The following CUEDC1 variants were observed in gnomAD, a reference collection of about 807,000 sequenced individuals.
CUEDC1 encodes CUE domain-containing protein 1.
Under a neutral mutation model 43.7 loss-of-function variants are expected in CUEDC1, and 30 were observed. The ratio of observed to expected loss-of-function variants is 0.69; its 90% CI spans 0.51 to 0.93. The LOEUF (loss-of-function observed/expected upper bound fraction) is 0.93. Ranked by LOEUF, CUEDC1 falls within the 40% of genes least tolerant of loss-of-function variation. The probability of loss-of-function intolerance (pLI) is 0.00; values close to 1 mark genes in which losing one functional copy is unlikely to be tolerated. For synonymous variants in CUEDC1, 223 were observed against 223.6 expected (o/e 1.00, Z 0.02); for missense variants, 486 against 549.0 (o/e 0.89, Z 1.15).
In CUEDC1 at chr17:57,866,477, T is replaced by C. The variant is rs971451575; in HGVS notation, c.1161A>G (p.Ter387=). The C allele has an allele frequency of 6.2e-6, 10 of 1,613,978 alleles. No homozygotes were observed. The East Asian group carries it at 6.7e-5, about 11-fold the overall frequency. ...KVEEGLREGQ[*] ...TTGCTATGGCTCCAGGCCTTACCTC[T>C]TACTGTCCTTCTCGCAGGCCTTCCT... Residue 387 remains the stop codon, a stop_retained_variant, in exon 10 of 11, where the codon TAA becomes TAG. Coordinates refer to ENST00000577830, the MANE Select transcript of CUEDC1 (RefSeq NM_001271875.2).
Position 57,873,673 on chromosome 17 carries a change from T to C in CUEDC1, c.509A>G (p.Tyr170Cys), listed in dbSNP as rs1279232171. Reference sequence around the variant, plus strand: ...CAGCAGTGGTGGGTTCCAGTTCCGATAGCGTCTCTGGCTTGTAGGGGCTCC... The same window carrying C: ...CAGCAGTGGTGGGTTCCAGTTCCGACAGCGTCTCTGGCTTGTAGGGGCTCC... The part of the protein sequence containing the change: ...GSGAPTSQRR[Y>C]RNWNPPLLGN... The change falls in exon 4 of 11, where the codon TAT (tyrosine) becomes TGT (cysteine). Residue 170 changes from tyrosine (Y) to cysteine (C), a missense_variant. Coordinates refer to ENST00000577830, the MANE Select transcript of CUEDC1 (RefSeq NM_001271875.2). 3 of 1,604,464 alleles carry C rather than the reference T, an allele frequency of 1.9e-6. No homozygotes were observed. The highest frequency in any genetic ancestry group is 2.3e-5 in the East Asian group (1 of 44,018).
At chr17:57,876,497 A>G (rs1001088585) in intron 3 of CUEDC1, among the ~76,000 whole-genome samples, 5 of 152,196 alleles carry the variant, frequency 3.3e-5, no homozygotes, top group Admixed American at 2.0e-4. Context: ...GTGTGTGGGC[A>G]AACAGGCAGC....
chr17:57,875,055 C>T (rs566821216), intron 3 of CUEDC1, among the ~76,000 whole-genome samples: 1 of 152,244 alleles, frequency 6.6e-6, no homozygotes, highest in African/African-American at 2.4e-5. Context: ...GACTCCCATT[C>T]CTAGGCCAAA....
At chr17:57,940,071 A>G (rs1451211191) in intron 1 of CUEDC1, among the ~76,000 whole-genome samples, 1 of 152,138 alleles carries the variant, frequency 6.6e-6, no homozygotes, top group Non-Finnish European at 1.5e-5. Context: ...ACAAGCTGGC[A>G]TCACTATCCT....
chr17:57,880,081 G>A (rs768270509), intron 2 of CUEDC1, among the ~76,000 whole-genome samples: 5 of 152,120 alleles, frequency 3.3e-5, no homozygotes, highest in African/African-American at 7.2e-5. Flanking sequence ...TCTGTGGAGC[G>A]GGTAAGGGTG....
At position 57,876,719 on chromosome 17, in the gene CUEDC1, G is replaced by A. The variant is rs183978409; in HGVS notation, c.464+2892C>T. ...GCCCAGGTCTAGCAGAGCCATCCTG[G>A]GGCAAAGGGATCTGTGCCTCTACTG... On this transcript the variant is annotated intron_variant, in intron 3 of 10. Coordinates refer to ENST00000577830, the MANE Select transcript of CUEDC1 (RefSeq NM_001271875.2). 1.6e-4 allele frequency among the ~76,000 whole-genome samples: 24 copies of A among 152,336 alleles called. No individual in the cohort carries two copies. The East Asian group carries it at 4.2e-3, about 27-fold the overall frequency.
Position 57,886,980 on chromosome 17 carries a change from G to A in CUEDC1, c.-315-1101C>T, listed in dbSNP as rs375843086. ...ACTACAGGCGCCCGCCACCACACCC[G>A]GCTAATTTTTTTTTGTATTTTTAGT... On this transcript the variant is annotated intron_variant, in intron 1 of 10. Coordinates refer to ENST00000577830, the MANE Select transcript of CUEDC1 (RefSeq NM_001271875.2). Among the ~76,000 whole-genome samples, 29 of 151,882 alleles carry A rather than the reference G, an allele frequency of 1.9e-4. 1 individual carries two copies. The East Asian group carries it at 4.5e-3, about 23-fold the overall frequency.
intron 1 of CUEDC1, among the ~76,000 whole-genome samples, chr17:57,933,844 T>C (rs2074833861): frequency 6.6e-6 from 1 of 152,042 alleles, no homozygotes. Context: ...GGCTGGGATC[T>C]TTCTCCCTAC....
At chr17:57,940,207 T>C (rs2074904562) in intron 1 of CUEDC1, among the ~76,000 whole-genome samples, 1 of 151,390 alleles carries the variant, frequency 6.6e-6, no homozygotes, top group Non-Finnish European at 1.5e-5. Context: ...CATGCCTCCT[T>C]CCCTGGATTA....
chr17:57,917,888 T>G (rs1018502264), intron 1 of CUEDC1, among the ~76,000 whole-genome samples: 2 of 152,226 alleles, frequency 1.3e-5, no homozygotes, highest in Admixed American at 1.3e-4. Flanking sequence ...TGCCTTGTGA[T>G]GCCTCCACTA....
In CUEDC1 at chr17:57,917,810, G is replaced by A. The variant is rs147061455; in HGVS notation, c.-315-31931C>T. On this transcript the variant is annotated intron_variant, in intron 1 of 10. Transcript: ENST00000577830. The stretch of plus-strand genomic sequence containing the variant: ...CTGAGGCTGAGAGAATGCAGGTGAC[G>A]TGCACTGAGGCAGGGGCAGAGGCTG... Among the ~76,000 whole-genome samples, 6 of 152,352 alleles carry A rather than the reference G, an allele frequency of 3.9e-5. No homozygotes were observed. The East Asian group carries it at 9.6e-4, about 24-fold the overall frequency.
chr17:57,893,628 C>T (rs1300112832), intron 1 of CUEDC1, among the ~76,000 whole-genome samples: 1 of 152,208 alleles, frequency 6.6e-6, no homozygotes, highest in African/African-American at 2.4e-5. Flanking sequence ...GTGCCCACCC[C>T]CAGGCAGCCA....
Position 57,885,332 on chromosome 17 carries a change from T to G in CUEDC1, c.233A>C (p.Asp78Ala). ...CVLRANSGAV[D>A]ATIDQLLQMN... is the part of the protein sequence containing the mutation. ...CTGCAGCAGCTGGTCGATGGTGGCG[T>G]CCACAGCGCCGCTGTTGGCGCGCAG... Residue 78 changes from aspartate to alanine, a missense_variant, in exon 2 of 11, where the codon GAC becomes GCC. By Grantham distance (126) the Asp-to-Ala change is moderately radical (BLOSUM62 -2). Transcript: ENST00000577830. 6.2e-7 allele frequency: 1 copy of G among 1,611,868 alleles called. No homozygotes were observed. The highest frequency in any genetic ancestry group is 8.5e-7 in the Non-Finnish European group (1 of 1,179,596).
chr17:57,921,050 G>A (rs1453441060), intron 1 of CUEDC1, among the ~76,000 whole-genome samples: 1 of 152,232 alleles, frequency 6.6e-6, no homozygotes, highest in African/African-American at 2.4e-5. Context: ...TATGAGCTCC[G>A]TCTATCCAAG....
chr17:57,929,958 C>T (rs758405854), intron 1 of CUEDC1, among the ~76,000 whole-genome samples: 1 of 152,134 alleles, frequency 6.6e-6, no homozygotes, highest in Non-Finnish European at 1.5e-5. Flanking sequence ...GGCACCACCA[C>T]GCCCAGCAAA....
intron 1 of CUEDC1, among the ~76,000 whole-genome samples, chr17:57,888,580 AC>A (rs993153564): frequency 2.0e-5 from 3 of 152,152 alleles, no homozygotes; most frequent in Non-Finnish European, 2.9e-5. Context: ...GGCTTTAGAC[AC>A]CCCAACACCC....
intron 1 of CUEDC1, among the ~76,000 whole-genome samples, chr17:57,941,550 C>T (rs1488211901): frequency 6.6e-6 from 1 of 152,222 alleles, no homozygotes; most frequent in Non-Finnish European, 1.5e-5. Flanking sequence ...CACAGAAGAA[C>T]TGGAGCCAGG....
At chr17:57,928,504 G>A (rs183456850) in intron 1 of CUEDC1, among the ~76,000 whole-genome samples, 5 of 139,414 alleles carry the variant, frequency 3.6e-5, no homozygotes, top group African/African-American at 1.1e-4. Context: ...AGCTGAGATC[G>A]CCACTGCACT....
Position 57,885,881 on chromosome 17 carries a change from T to A in CUEDC1, c.-315-2A>T. The A allele has an allele frequency of 8.2e-6, 2 of 244,634 alleles. No homozygotes were observed. The highest frequency in any genetic ancestry group is 1.6e-5 in the Non-Finnish European group (2 of 128,786). The allele number at this position is 244,634 out of a possible 1,614,324, so 15.2% of individuals were successfully genotyped here. Reference sequence around the variant, plus strand: ...CACCGGTTTCACGGATGGTCCCACCTGAAACCGAAAGAGATGGAGTCAGGG... The same window carrying A: ...CACCGGTTTCACGGATGGTCCCACCAGAAACCGAAAGAGATGGAGTCAGGG... On this transcript the variant is annotated splice_acceptor_variant, in intron 1 of 10. Coordinates refer to ENST00000577830, the MANE Select transcript of CUEDC1 (RefSeq NM_001271875.2). LOFTEE classifies it low-confidence loss of function (5UTR_SPLICE).
Sources: gnomAD v4.1 joint callset for allele counts (sites outside exome capture counted in the v4.1 genomes callset) on GRCh38, gnomAD v4.1.1 for gene constraint, MANE v1.5 for transcripts, NCBI Gene and HGNC (gene_info 2026-07-23, HGNC 2026-07-21) for gene names.